BICDL1: variants seen among roughly 807,000 people sequenced by gnomAD.
BICDL1 encodes the protein BICD family like cargo adaptor 1, also known as BICD family-like cargo adapter 1.
A neutral mutation model predicts 76.8 loss-of-function variants in BICDL1; 20 were observed. The observed-to-expected ratio is 0.26, with a 90% CI of 0.18 to 0.38. The LOEUF (loss-of-function observed/expected upper bound fraction) is 0.38. Among genes scored for constraint, BICDL1 ranks in the 10% least tolerant of loss-of-function variants. BICDL1 has a pLI of 1.00. For missense variants in BICDL1, 700 were observed against 798.6 expected, an observed-to-expected ratio of 0.88 and a Z score of 1.49; for synonymous variants, 383 against 337.1, an observed-to-expected ratio of 1.14 and a Z score of -1.49.
At chr12:120,009,629 G>A (rs1218370801) in intron 2 of BICDL1, among the ~76,000 whole-genome samples, 1 of 152,150 alleles carries the variant, frequency 6.6e-6, no homozygotes, top group East Asian at 1.9e-4. Flanking sequence ...CTGATGTGAG[G>A]TGGGGCCCCC....
chr12:120,078,497 A>G (rs906496084), intron 7 of BICDL1, among the ~76,000 whole-genome samples: 4 of 152,248 alleles, frequency 2.6e-5, no homozygotes, highest in Non-Finnish European at 4.4e-5. Flanking sequence ...ATCAGTTATC[A>G]TGACAGCAGT....
chr12:120,085,028 C>T (rs1025076045), intron 8 of BICDL1, among the ~76,000 whole-genome samples: 3 of 152,140 alleles, frequency 2.0e-5, no homozygotes, highest in African/African-American at 7.2e-5. Context: ...CTGGTCAGAA[C>T]CTCATGTCAT....
chr12:120,020,789 T>C (rs754257266), intron 2 of BICDL1, among the ~76,000 whole-genome samples: 4 of 152,186 alleles, frequency 2.6e-5, no homozygotes, highest in Non-Finnish European at 5.9e-5. Context: ...GGGGTTTACT[T>C]TAACAAGTGC....
rs1286807510 is a variant in BICDL1, at chr12:120,093,479, A to G, written c.*318A>G. On this transcript the variant is annotated 3_prime_UTR_variant, in exon 10 of 10. Transcript: ENST00000548673. ...CTTGGTGTTGGGCTTTGCAGCTCAC[A>G]CCCAACAGATCGCAGCCCACCCCCA... 5.8e-6 allele frequency: 2 copies of G among 345,464 alleles called. No homozygotes were observed. Among genetic ancestry groups the G allele is most frequent in the Admixed American group, 4.4e-5 (1 of 22,514 alleles). The allele number at this position is 345,464 out of a possible 1,614,324, so 21.4% of individuals were successfully genotyped here.
chr12:120,039,584 G>A (rs2138799788), intron 2 of BICDL1, among the ~76,000 whole-genome samples: 1 of 131,484 alleles, frequency 7.6e-6, no homozygotes, highest in Non-Finnish European at 1.5e-5. Context: ...GTTGCAGTGA[G>A]CCAAGATTGC....
At chr12:120,014,841 A>T (rs1363175208) in intron 2 of BICDL1, among the ~76,000 whole-genome samples, 1 of 152,128 alleles carries the variant, frequency 6.6e-6, no homozygotes, top group Admixed American at 6.5e-5. Flanking sequence ...AAAAAAAATT[A>T]AAAAATAAAA....
chr12:120,089,490 A>G (rs1470019134), intron 8 of BICDL1, among the ~76,000 whole-genome samples: 4 of 152,080 alleles, frequency 2.6e-5, no homozygotes, highest in African/African-American at 9.7e-5. Flanking sequence ...GGTTCAAGCA[A>G]TTCTCCTGCC....
chr12:119,998,020 A>C (rs987273920), intron 1 of BICDL1, among the ~76,000 whole-genome samples: 2 of 152,168 alleles, frequency 1.3e-5, no homozygotes, highest in African/African-American at 4.8e-5. Flanking sequence ...AAGCTGAGGC[A>C]TGAGAATTGC....
In BICDL1 at chr12:120,025,240, T is replaced by C. The variant is rs140409646; in HGVS notation, c.645+26504T>C. Among the ~76,000 whole-genome samples, 1,413 of 151,862 alleles carry C rather than the reference T, an allele frequency of 9.3e-3. 20 individuals are homozygous for C. Among genetic ancestry groups the C allele is most frequent in the African/African-American group, 0.03 (1,231 of 41,422 alleles). On this transcript the variant is annotated intron_variant, in intron 2 of 9. Transcript: ENST00000548673. ...TAATTTTTTGTATTTTTAGTAGAGA[T>C]GGGGTTTCACCGTGTTAGCCAGGAT...
chr12:120,043,196 G>C (rs1952679215), intron 2 of BICDL1, among the ~76,000 whole-genome samples: 1 of 152,174 alleles, frequency 6.6e-6, no homozygotes, highest in Non-Finnish European at 1.5e-5. Context: ...CTCCGACCTA[G>C]AAAATGCTAA....
chr12:120,075,733 C>G (rs988402432), intron 7 of BICDL1, among the ~76,000 whole-genome samples: 1 of 152,228 alleles, frequency 6.6e-6, no homozygotes, highest in African/African-American at 2.4e-5. Context: ...AAGAAACTCC[C>G]CTTTTCTGGG....
chr12:120,010,583 C>CT (rs1307412699), intron 2 of BICDL1, among the ~76,000 whole-genome samples: 1 of 152,178 alleles, frequency 6.6e-6, no homozygotes, highest in Non-Finnish European at 1.5e-5. Context: ...CCATAGGTCT[C>CT]TAAGAGGTGC....
intron 2 of BICDL1, among the ~76,000 whole-genome samples, chr12:120,002,222 C>T (rs189426850): frequency 2.6e-5 from 4 of 152,268 alleles, no homozygotes; most frequent in Admixed American, 2.0e-4. Flanking sequence ...ACCCTAATGA[C>T]CTCATTTTAA....
chr12:120,023,543 C>G (rs1457380306), intron 2 of BICDL1, among the ~76,000 whole-genome samples: 1 of 152,190 alleles, frequency 6.6e-6, no homozygotes, highest in East Asian at 1.9e-4. Context: ...AATCCCAGCA[C>G]TTTGGGAGGC....
Position 120,022,120 on chromosome 12 carries a change from A to C in BICDL1, c.645+23384A>C, listed in dbSNP as rs138230897. On this transcript the variant is annotated intron_variant, in intron 2 of 9. Coordinates refer to ENST00000548673, the MANE Select transcript of BICDL1 (RefSeq NM_001367886.1). ...GTTTTGCTTTCTGGCTCTTTACAGAAAGTTTGTCAGCCTCTGGGTTGGAGG... is the reference window on the plus strand; with the variant it reads ...GTTTTGCTTTCTGGCTCTTTACAGACAGTTTGTCAGCCTCTGGGTTGGAGG... Among the ~76,000 whole-genome samples the C allele has an allele frequency of 1.2e-3, 184 of 151,396 alleles. 1 individual carries two copies. The highest frequency in any genetic ancestry group is 4.1e-3 in the African/African-American group (172 of 41,504).
intron 2 of BICDL1, among the ~76,000 whole-genome samples, chr12:120,053,989 A>G (rs1952919086): frequency 6.6e-6 from 1 of 151,986 alleles, no homozygotes; most frequent in African/African-American, 2.4e-5. Flanking sequence ...CCTGACCAAC[A>G]TGGTGAAACC....
At chr12:120,059,822 C>T (rs1953065030) in intron 2 of BICDL1, among the ~76,000 whole-genome samples, 1 of 152,056 alleles carries the variant, frequency 6.6e-6, no homozygotes, top group East Asian at 1.9e-4. Flanking sequence ...AGGTGATCCT[C>T]CCACCTCAGC....
At chr12:120,066,377 C>G (rs1190394853) in intron 4 of BICDL1, among the ~76,000 whole-genome samples, 2 of 152,122 alleles carry the variant, frequency 1.3e-5, no homozygotes, top group Non-Finnish European at 2.9e-5. Context: ...AGAAAAATGG[C>G]CCTTGCCTAA....
chr12:120,062,916 G>A (rs1953137132), intron 3 of BICDL1, among the ~76,000 whole-genome samples: 1 of 152,122 alleles, frequency 6.6e-6, no homozygotes, highest in South Asian at 2.1e-4. Context: ...AGACCCTCAT[G>A]AACCGGGTCG....
Sources: allele counts gnomAD v4.1 joint callset (sites outside exome capture counted in the v4.1 genomes callset), GRCh38; gene constraint gnomAD v4.1.1; transcripts MANE v1.5; gene names NCBI Gene and HGNC (gene_info 2026-07-23, HGNC 2026-07-21).